The following PRKG2 variants were observed in gnomAD, a reference collection of about 807,000 sequenced individuals.
The protein encoded by PRKG2 is protein kinase cGMP-dependent 2.
Under a neutral mutation model 97.2 loss-of-function variants are expected in PRKG2, and 33 were observed. The ratio of observed to expected loss-of-function variants is 0.34; its 90% CI spans 0.26 to 0.45. The LOEUF (loss-of-function observed/expected upper bound fraction) is 0.45. Among genes scored for constraint, PRKG2 ranks in the 20% least tolerant of loss-of-function variants. The pLI is 1.00. For missense variants in PRKG2, 638 were observed against 900.0 expected, an observed-to-expected ratio of 0.71 and a Z score of 3.73; for synonymous variants, 330 against 321.8, an observed-to-expected ratio of 1.03 and a Z score of -0.27.
intron 14 of PRKG2, among the ~76,000 whole-genome samples, chr4:81,123,921 T>C (rs1188894361): frequency 6.6e-6 from 1 of 152,200 alleles, no homozygotes; most frequent in Admixed American, 6.5e-5. Flanking sequence ...CACTCTCAGT[T>C]TGCATGCTAC....
chr4:81,176,190 G>T (rs1750909020), intron 2 of PRKG2, among the ~76,000 whole-genome samples: 1 of 152,144 alleles, frequency 6.6e-6, no homozygotes, highest in East Asian at 1.9e-4. Context: ...GCCTTGAGAA[G>T]TTCCATCTAA....
At chr4:81,158,876 G>A (rs1027681660) in intron 6 of PRKG2, among the ~76,000 whole-genome samples, 21 of 151,494 alleles carry the variant, frequency 1.4e-4, no homozygotes, top group Non-Finnish European at 2.9e-4. Context: ...AAATGGTGCT[G>A]GGAAAACTGG....
intron 14 of PRKG2, among the ~76,000 whole-genome samples, chr4:81,118,472 T>C (rs909501291): frequency 1.3e-5 from 2 of 152,176 alleles, no homozygotes; most frequent in Non-Finnish European, 2.9e-5. Context: ...GTGTTGCCAT[T>C]GTTCTAGAAT....
At chr4:81,121,915 G>A (rs900410727) in intron 14 of PRKG2, among the ~76,000 whole-genome samples, 15 of 152,194 alleles carry the variant, frequency 9.9e-5, no homozygotes, top group Middle Eastern at 3.4e-3. Context: ...TAATATCAAC[G>A]TTTAATATGT....
intron 14 of PRKG2, among the ~76,000 whole-genome samples, chr4:81,116,639 C>T (rs1226951972): frequency 6.6e-6 from 1 of 152,164 alleles, no homozygotes; most frequent in African/African-American, 2.4e-5. Flanking sequence ...ATCCCCTCAG[C>T]AGTGTAAGTG....
At chr4:81,127,249 A>G (rs778565030) in intron 14 of PRKG2, among the ~76,000 whole-genome samples, 5 of 152,156 alleles carry the variant, frequency 3.3e-5, no homozygotes, top group Non-Finnish European at 7.3e-5. Flanking sequence ...GACCAGTACC[A>G]TGCTGTTTTG....
At chr4:81,136,287 A>C (rs1746692311) in intron 13 of PRKG2, among the ~76,000 whole-genome samples, 1 of 152,126 alleles carries the variant, frequency 6.6e-6, no homozygotes, top group Non-Finnish European at 1.5e-5. Flanking sequence ...TGCACATTAA[A>C]ATTGCCTGAG....
chr4:81,126,949 C>A (rs183332538), intron 14 of PRKG2, among the ~76,000 whole-genome samples: 97 of 152,278 alleles, frequency 6.4e-4, no homozygotes, highest in Admixed American at 1.8e-3. Context: ...TTTGCCCATG[C>A]CTATGCCCTG....
At chr4:81,094,554 AT>A (rs1741926917) in intron 17 of PRKG2, among the ~76,000 whole-genome samples, 1 of 152,172 alleles carries the variant, frequency 6.6e-6, no homozygotes, top group South Asian at 2.1e-4. Flanking sequence ...AATATAAATT[AT>A]TAAATTAATT....
Position 81,105,896 on chromosome 4 carries a change from A to G in PRKG2, c.1980T>C (p.Asn660=). 1 of 1,613,794 alleles carries G rather than the reference A, an allele frequency of 6.2e-7. No homozygotes were observed. The highest frequency in any genetic ancestry group is 8.5e-7 in the Non-Finnish European group (1 of 1,179,760). ...FSGVDQMMTY[N]LILKGIEKMD... ...TTTTTTCAATTCCTTTGAGAATCAAATTGTAGGTCATCATTTGGTCAACCC... is the reference window on the plus strand; with the variant it reads ...TTTTTTCAATTCCTTTGAGAATCAAGTTGTAGGTCATCATTTGGTCAACCC... The change falls in exon 16 of 19, where the codon AAT becomes AAC. Residue 660 remains asparagine, a synonymous_variant. Transcript: ENST00000264399.
chr4:81,110,726 T>TGCACACACAC (rs1233244557), intron 14 of PRKG2, 115 bp from the exon 15 acceptor site: 1 of 852,074 alleles, frequency 1.2e-6, no homozygotes, highest in African/African-American at 2.2e-5. Context: ...TTTTATACCA[T>TGCACACACAC]GCACACACAC....
At chr4:81,096,904 T>C (rs894954825) in intron 17 of PRKG2, among the ~76,000 whole-genome samples, 1 of 152,222 alleles carries the variant, frequency 6.6e-6, no homozygotes, top group African/African-American at 2.4e-5. Flanking sequence ...CTCCTATTGA[T>C]GTTGCTATTT....
At chr4:81,092,825 C>T (rs1218468700) in intron 17 of PRKG2, among the ~76,000 whole-genome samples, 1 of 152,166 alleles carries the variant, frequency 6.6e-6, no homozygotes, top group Admixed American at 6.5e-5. Flanking sequence ...GCCTTATATC[C>T]TATCTGAGTC....
At chr4:81,201,209 AT>A (rs1321955774) in intron 2 of PRKG2, among the ~76,000 whole-genome samples, 2 of 152,244 alleles carry the variant, frequency 1.3e-5, no homozygotes, top group Non-Finnish European at 2.9e-5. Context: ...TTAATTAAAA[AT>A]AAAAATCCAT....
chr4:81,113,622 A>G (rs1017992012), intron 14 of PRKG2, among the ~76,000 whole-genome samples: 13 of 152,308 alleles, frequency 8.5e-5, no homozygotes, highest in African/African-American at 3.1e-4. Context: ...TCCAGTAAGT[A>G]TGAACTCTTT....
chr4:81,151,368 T>C (rs1748384523), intron 8 of PRKG2, among the ~76,000 whole-genome samples: 1 of 152,062 alleles, frequency 6.6e-6, no homozygotes, highest in African/African-American at 2.4e-5. Context: ...TTCCAGGAAA[T>C]GCAAAGTGTC....
At chr4:81,175,131 T>C (rs1750813570) in intron 2 of PRKG2, among the ~76,000 whole-genome samples, 172 bp from the exon 3 acceptor site, 1 of 152,120 alleles carries the variant, frequency 6.6e-6, no homozygotes, top group South Asian at 2.1e-4. Flanking sequence ...TACCATAGCT[T>C]ACATGAAAAA....
At chr4:81,202,952 C>A (rs1349450330) in intron 2 of PRKG2, among the ~76,000 whole-genome samples, 3 of 151,916 alleles carry the variant, frequency 2.0e-5, no homozygotes, top group African/African-American at 4.8e-5. Flanking sequence ...CTACTAAATT[C>A]TCTTACATGT....
intron 6 of PRKG2, among the ~76,000 whole-genome samples, chr4:81,162,296 C>G (rs1749646431): frequency 6.6e-6 from 1 of 152,080 alleles, no homozygotes; most frequent in South Asian, 2.1e-4. Context: ...TATGATTGTC[C>G]AGGTAAGTTA....
Sources: allele counts gnomAD v4.1 joint callset (sites outside exome capture counted in the v4.1 genomes callset), GRCh38; gene constraint gnomAD v4.1.1; transcripts MANE v1.5; gene names NCBI Gene and HGNC (gene_info 2026-07-23, HGNC 2026-07-21).